PLEKHA5: variants seen among roughly 807,000 people sequenced by gnomAD.
PLEKHA5 encodes the protein pleckstrin homology domain-containing family A member 5.
PLEKHA5 carries 55 observed loss-of-function variants against 181.9 expected under a neutral mutation model. The ratio of observed to expected loss-of-function variants is 0.30; its 90% confidence interval spans 0.24 to 0.38. The LOEUF is 0.38. Ranked by LOEUF, PLEKHA5 falls within the 10% of genes least tolerant of loss-of-function variation. The probability of loss-of-function intolerance (pLI) is 1.00; values close to 1 mark genes in which losing one functional copy is unlikely to be tolerated. For missense variants in PLEKHA5, 1,432 were observed against 1,549.5 expected, an observed-to-expected ratio of 0.92 and a Z score of 1.27; for synonymous variants, 535 against 529.4, an observed-to-expected ratio of 1.01 and a Z score of -0.15.
chr12:19,357,358 C>T (rs1457594895), intron 26 of PLEKHA5, among the ~76,000 whole-genome samples: 1 of 151,868 alleles, frequency 6.6e-6, no homozygotes, highest in Non-Finnish European at 1.5e-5. Flanking sequence ...AATTCTCCCA[C>T]CTCAGCCTCC....
chr12:19,247,005 G>A (rs995817342), intron 3 of PLEKHA5, among the ~76,000 whole-genome samples: 2 of 151,932 alleles, frequency 1.3e-5, no homozygotes, highest in African/African-American at 4.8e-5. Flanking sequence ...ATATTGAAAT[G>A]TGCACTTTAT....
chr12:19,360,404 G>A (rs769696460), intron 28 of PLEKHA5, among the ~76,000 whole-genome samples: 4 of 151,814 alleles, frequency 2.6e-5, no homozygotes, highest in Admixed American at 2.0e-4. Context: ...CCCGGAGTTC[G>A]AGATCAGCCT....
intron 3 of PLEKHA5, among the ~76,000 whole-genome samples, chr12:19,252,624 T>A (rs1027868893): frequency 1.3e-5 from 2 of 152,162 alleles, no homozygotes; most frequent in Non-Finnish European, 1.5e-5. Flanking sequence ...CATAACTTAA[T>A]TCAAAGCAAT....
intron 11 of PLEKHA5, among the ~76,000 whole-genome samples, chr12:19,280,036 G>GTTTTTTT (rs869050795): frequency 1.8e-5 from 1 of 54,502 alleles, no homozygotes; most frequent in Non-Finnish European, 3.2e-5. Flanking sequence ...AATGAAACCT[G>GTTTTTTT]TTTTTTTTTT....
At chr12:19,322,488 C>T (rs374372638) in intron 19 of PLEKHA5, 30 bp from the exon 20 acceptor site, 3 of 1,608,012 alleles carry the variant, frequency 1.9e-6, no homozygotes, top group South Asian at 1.1e-5. Context: ...TGATGCAGAA[C>T]ATTAAGTGTA....
intron 18 of PLEKHA5, chr12:19,321,717 CTTG>C (rs1247048345): frequency 3.3e-5 from 5 of 151,556 alleles, no homozygotes; most frequent in African/African-American, 4.9e-5. Flanking sequence ...TAGGCTGAGT[CTTG>C]TTGTCTGACA....
chr12:19,255,746 G>T (rs1177261459), intron 5 of PLEKHA5, among the ~76,000 whole-genome samples: 1 of 151,706 alleles, frequency 6.6e-6, no homozygotes. Flanking sequence ...AGAAATTGAT[G>T]AATGGATTGA....
At chr12:19,327,755 G>A (rs1421081536) in intron 20 of PLEKHA5, among the ~76,000 whole-genome samples, 1 of 148,788 alleles carries the variant, frequency 6.7e-6, no homozygotes, top group African/African-American at 2.5e-5. Flanking sequence ...AGCAGTTCTT[G>A]TGCCTCAGCC....
At chr12:19,311,047 G>T (rs1322658853) in intron 15 of PLEKHA5, among the ~76,000 whole-genome samples, 5 of 152,078 alleles carry the variant, frequency 3.3e-5, no homozygotes, top group Non-Finnish European at 7.4e-5. Context: ...AGTGAAGTTT[G>T]TTACATCAAT....
At chr12:19,246,910 G>C (rs1210666519) in intron 3 of PLEKHA5, among the ~76,000 whole-genome samples, 1 of 151,926 alleles carries the variant, frequency 6.6e-6, no homozygotes, top group African/African-American at 2.4e-5. Context: ...TCACTTTTAT[G>C]GGCTTTTATT....
intron 25 of PLEKHA5, among the ~76,000 whole-genome samples, chr12:19,352,485 A>AT (rs917148937): frequency 1.1e-4 from 16 of 151,422 alleles, no homozygotes; most frequent in African/African-American, 3.4e-4. Flanking sequence ...ATATTGTATG[A>AT]TTTTTTTAAA....
chr12:19,150,896 G>C (rs182079593), intron 3 of PLEKHA5: 51 of 152,350 alleles, frequency 3.3e-4, no homozygotes, highest in African/African-American at 1.2e-3. Context: ...TAGACTTCAG[G>C]CTGGGAAGGA....
chr12:19,273,804 A>G (rs893274419), intron 10 of PLEKHA5, among the ~76,000 whole-genome samples: 16 of 152,194 alleles, frequency 1.1e-4, no homozygotes, highest in African/African-American at 3.9e-4. Flanking sequence ...ATAATGGTAA[A>G]ATAAGGTCTG....
At chr12:19,283,149 C>CAAAAA (rs34391812) in intron 11 of PLEKHA5, 131 bp from the exon 12 acceptor site, 4,808 of 202,782 alleles carry the variant, frequency 0.024, 116 homozygotes, top group Admixed American at 0.03. Context: ...TCTTGTCTCC[C>CAAAAA]AAAAAAAAAA....
intron 3 of PLEKHA5, among the ~76,000 whole-genome samples, chr12:19,161,131 A>T (rs1322334550): frequency 6.6e-6 from 1 of 152,194 alleles, no homozygotes; most frequent in Non-Finnish European, 1.5e-5. Flanking sequence ...AGTTAGAAAT[A>T]TTCAGATCAT....
chr12:19,244,064 A>G (rs929870996), intron 3 of PLEKHA5, among the ~76,000 whole-genome samples: 8 of 152,202 alleles, frequency 5.3e-5, no homozygotes, highest in Admixed American at 1.3e-4. Context: ...GAAATTTTAT[A>G]TTTAATAATA....
At chr12:19,151,589 A>G (rs2040405359) in intron 3 of PLEKHA5, 1 of 152,168 alleles carries the variant, frequency 6.6e-6, no homozygotes, top group Non-Finnish European at 1.5e-5. Context: ...CTTACATACT[A>G]AGCAGATACA....
intron 8 of PLEKHA5, among the ~76,000 whole-genome samples, chr12:19,267,764 G>GACC (rs1204220814): frequency 6.6e-6 from 1 of 151,816 alleles, no homozygotes. Flanking sequence ...AGGAGTTCAA[G>GACC]ACCAGCTTGA....
At chr12:19,249,193 A>G (rs1266428276) in intron 3 of PLEKHA5, among the ~76,000 whole-genome samples, 1 of 152,170 alleles carries the variant, frequency 6.6e-6, no homozygotes, top group Non-Finnish European at 1.5e-5. Context: ...AGGCACAGTA[A>G]AAGATTAACT....
Sources: gnomAD v4.1 joint callset for allele counts (sites outside exome capture counted in the v4.1 genomes callset) on GRCh38, gnomAD v4.1.1 for gene constraint, MANE v1.5 for transcripts, NCBI Gene and HGNC (gene_info 2026-07-23, HGNC 2026-07-21) for gene names.